The following TUSC3 variants were observed in gnomAD, a reference collection of about 807,000 sequenced individuals.
TUSC3 encodes tumor suppressor candidate 3.
TUSC3 carries 45 observed loss-of-function variants against 44.8 expected under a neutral mutation model. That is an observed-to-expected ratio of 1.00 (90% CI 0.79 to 1.29). The LOEUF is 1.29. TUSC3 is among the 50% of genes most tolerant of loss of function. The probability of loss-of-function intolerance (pLI) is 0.00; values close to 1 mark genes in which losing one functional copy is unlikely to be tolerated. For synonymous variants in TUSC3, 212 were observed against 152.9 expected (o/e 1.39, Z -2.85); for missense variants, 519 against 437.9 (o/e 1.19, Z -1.65).
intron 7 of TUSC3, 33 bp from the exon 8 acceptor site, chr8:15,743,505 C>A: frequency 6.2e-7 from 1 of 1,609,328 alleles, no homozygotes; most frequent in African/African-American, 1.3e-5. Context: ...TTATTCACAT[C>A]TATGTCTACG....
chr8:15,428,419 G>A (rs879127170), intron 1 of TUSC3, among the ~76,000 whole-genome samples: 17 of 151,500 alleles, frequency 1.1e-4, no homozygotes, highest in South Asian at 2.1e-4. Flanking sequence ...GAATAGTGCC[G>A]CAATAAACAT....
the TUSC3 span, among the ~76,000 whole-genome samples, chr8:15,837,228 A>T: frequency 2.3e-4 from 35 of 151,922 alleles, no homozygotes; most frequent in East Asian, 3.5e-3. Flanking sequence ...CTTTTTTTTT[A>T]AAAAATCACG....
chr8:15,504,331 T>C (rs1298785953), intron 2 of TUSC3, among the ~76,000 whole-genome samples: 4 of 151,816 alleles, frequency 2.6e-5, no homozygotes, highest in East Asian at 3.9e-4. Context: ...TAAAACCTCA[T>C]AGAGGTTTTG....
chr8:15,445,981 C>A (rs1800091574), intron 1 of TUSC3, among the ~76,000 whole-genome samples: 1 of 150,848 alleles, frequency 6.6e-6, no homozygotes. Flanking sequence ...GGGGCAGCTG[C>A]CCGGCGGAGA....
At chr8:15,488,539 T>G (rs10104168) in intron 2 of TUSC3, among the ~76,000 whole-genome samples, 2 of 152,092 alleles carry the variant, frequency 1.3e-5, no homozygotes, top group Non-Finnish European at 2.9e-5. Flanking sequence ...GGTAATAAAA[T>G]AGACAATGTT....
intron 3 of TUSC3, among the ~76,000 whole-genome samples, chr8:15,656,626 C>T (rs1457064290): frequency 1.2e-4 from 17 of 145,434 alleles, no homozygotes; most frequent in Admixed American, 1.1e-3. Context: ...CCCAAGCCCA[C>T]GCAACAGCTC....
chr8:15,770,906 C>T (rs182114809), downstream of TUSC3, among the ~76,000 whole-genome samples: 19 of 152,244 alleles, frequency 1.2e-4, no homozygotes, highest in East Asian at 3.5e-3. Flanking sequence ...AAGCCAATAT[C>T]CAAGAAGTTC....
chr8:15,787,810 G>A, the TUSC3 span, among the ~76,000 whole-genome samples: 1 of 152,138 alleles, frequency 6.6e-6, no homozygotes, highest in African/African-American at 2.4e-5. Flanking sequence ...GACCGTTCAC[G>A]TAATTTCTTC....
At chr8:15,818,689 T>A in the TUSC3 span, among the ~76,000 whole-genome samples, 1 of 152,226 alleles carries the variant, frequency 6.6e-6, no homozygotes, top group Admixed American at 6.5e-5. Context: ...TGAAGGACAA[T>A]CATAATTATG....
At chr8:15,475,964 G>A (rs1800569210) in intron 1 of TUSC3, among the ~76,000 whole-genome samples, 1 of 152,100 alleles carries the variant, frequency 6.6e-6, no homozygotes. Flanking sequence ...CAGGACTTCT[G>A]GAATTTTAAC....
At chr8:15,560,756 A>G (rs1390325509) in intron 1 of TUSC3, among the ~76,000 whole-genome samples, 2 of 118,958 alleles carry the variant, frequency 1.7e-5, no homozygotes, top group Non-Finnish European at 3.6e-5. Flanking sequence ...CATTCATTTC[A>G]TCTTCCATCG....
chr8:15,650,635 T>C (rs1287054748), intron 2 of TUSC3, 62 bp from the exon 3 acceptor site: 3 of 1,442,874 alleles, frequency 2.1e-6, no homozygotes, highest in Non-Finnish European at 2.9e-6. Flanking sequence ...TCTGTTTTAA[T>C]AACTGCTTTG....
At chr8:15,515,814 C>T (rs1432377439) in intron 2 of TUSC3, among the ~76,000 whole-genome samples, 1 of 151,928 alleles carries the variant, frequency 6.6e-6, no homozygotes, top group African/African-American at 2.4e-5. Flanking sequence ...ACTACAGTCT[C>T]TCGCCACCAC....
At chr8:15,802,829 G>C in the TUSC3 span, among the ~76,000 whole-genome samples, 2 of 151,710 alleles carry the variant, frequency 1.3e-5, no homozygotes, top group African/African-American at 2.4e-5. Context: ...CCCAGAACGT[G>C]GCTAAATGTA....
chr8:15,476,102 A>T (rs1452441272), intron 1 of TUSC3, among the ~76,000 whole-genome samples: 1 of 152,212 alleles, frequency 6.6e-6, no homozygotes, highest in Non-Finnish European at 1.5e-5. Flanking sequence ...TAACCAATAA[A>T]GTGCAGCCTG....
At chr8:15,793,839 G>A in the TUSC3 span, among the ~76,000 whole-genome samples, 2 of 152,188 alleles carry the variant, frequency 1.3e-5, no homozygotes, top group Admixed American at 6.5e-5. Flanking sequence ...AACTAGTCTT[G>A]TTAGAATCAT....
chr8:15,820,879 C>T, the TUSC3 span, among the ~76,000 whole-genome samples: 1 of 152,026 alleles, frequency 6.6e-6, no homozygotes, highest in African/African-American at 2.4e-5. Flanking sequence ...CATAACATTA[C>T]CTTGTGAGGT....
rs377581627 is a variant in TUSC3 at position 15,751,109 on chromosome 8, C to G, written c.1028+2644C>G. 2.8e-4 allele frequency among the ~76,000 whole-genome samples: 42 copies of G among 152,094 alleles called. 1 individual carries two copies. Among genetic ancestry groups the G allele is most frequent in the Admixed American group, 9.2e-4 (14 of 15,272 alleles). On this transcript the variant is annotated intron_variant, in intron 9 of 10. Transcript: ENST00000503731. ...TCTCCTGTGCTATTGTGTGGGTTTA[C>G]GAGATTGACTTAGGCAAGCTAAATA...
chr8:15,763,100 T>C (rs1258784766), intron 10 of TUSC3, among the ~76,000 whole-genome samples: 1 of 151,940 alleles, frequency 6.6e-6, no homozygotes, highest in Non-Finnish European at 1.5e-5. Context: ...TTTTAATTGA[T>C]GTTATATAAT....
Sources: allele counts gnomAD v4.1 joint callset (sites outside exome capture counted in the v4.1 genomes callset), GRCh38; gene constraint gnomAD v4.1.1; transcripts MANE v1.5; gene names NCBI Gene and HGNC (gene_info 2026-07-23, HGNC 2026-07-21).